The following DIPK1C variants were observed in gnomAD, a reference collection of about 807,000 sequenced individuals.
The protein encoded by DIPK1C is familial non-conventional Alzheimer's dementia.
Under a neutral mutation model 28.0 loss-of-function variants are expected in DIPK1C, and 33 were observed. That is an observed-to-expected ratio of 1.18 (90% CI 0.89 to 1.58). The LOEUF (loss-of-function observed/expected upper bound fraction) is 1.58. Ranked by LOEUF, DIPK1C falls within the 40% of genes most tolerant of loss-of-function variation. The pLI is 0.00. For synonymous variants in DIPK1C, 255 were observed against 248.8 expected, an observed-to-expected ratio of 1.02 and a Z score of -0.23; for missense variants, 569 against 568.5, an observed-to-expected ratio of 1.00 and a Z score of -0.01.
intron 3 of DIPK1C, among the ~76,000 whole-genome samples, chr18:74,441,118 G>A (rs768762489): frequency 2.4e-4 from 36 of 152,278 alleles, no homozygotes; most frequent in Non-Finnish European, 4.1e-4. Context: ...CCTTACCTGC[G>A]TTTTGGGTCT....
In DIPK1C at chr18:74,447,807, CA is replaced by C. The variant is rs1424588178; in HGVS notation, c.199-525del. ...CATTCCTTGAGCTTACTGTTTTCCA[CA>C]TGAAATGGAGTGCCCTATAAAGCTT... On this transcript the variant is annotated intron_variant, in intron 1 of 3. Transcript: ENST00000343998. This position sits in a 1 kb window ranked among gnomAD's most constrained non-coding sequence, Gnocchi z 4.1. Among the ~76,000 whole-genome samples the C allele has an allele frequency of 6.6e-6, 1 of 152,196 alleles. No homozygotes were observed. The highest frequency in any genetic ancestry group is 1.9e-4 in the East Asian group (1 of 5,180).
In DIPK1C at chr18:74,436,337, G is replaced by A. The variant is rs547868806; in HGVS notation, c.*164C>T. On this transcript the variant is annotated 3_prime_UTR_variant, in exon 4 of 4. Coordinates refer to ENST00000343998, the MANE Select transcript of DIPK1C (RefSeq NM_001044369.3). ...TCAGAGGCCAGGGTGGGACGAGAGC[G>A]AGGGAGCACTGTCTCTGGCAGCAGC... The A allele has an allele frequency of 5.4e-5, 37 of 681,636 alleles. No homozygotes were observed. The highest frequency in any genetic ancestry group is 2.5e-4 in the East Asian group (9 of 36,202). 42.2% of individuals were successfully genotyped at this position (681,636 alleles called of 1,614,324 possible). A position where few individuals can be genotyped will look rare whatever the true frequency, so the allele number is the denominator to read the frequency against.
At chr18:74,463,856 A>G in the DIPK1C span, among the ~76,000 whole-genome samples, 1 of 152,224 alleles carries the variant, frequency 6.6e-6, no homozygotes, top group Non-Finnish European at 1.5e-5. Context: ...ACACGAAATC[A>G]GCACCGACTG....
At position 74,447,334 on chromosome 18, in the gene DIPK1C, G is replaced by A. The variant is rs187928644; in HGVS notation, c.199-51C>T. 2.1e-4 allele frequency: 310 copies of A among 1,458,466 alleles called. 3 individuals carry two copies. The African/African-American group carries it at 3.8e-3, about 18-fold the overall frequency. The allele number at this position is 1,458,466 out of a possible 1,614,324, so 90.3% of individuals were successfully genotyped here. On this transcript the variant is annotated intron_variant, in intron 1 of 3. Transcript: ENST00000343998. This position sits in a 1 kb window ranked among gnomAD's most constrained non-coding sequence, Gnocchi z 4.1. ...CCATGGGGAGGGCCTGGTGCCATCC[G>A]TCTCTCGGCTCGGGTTAGGGAAGGG...
chr18:74,455,571 G>A (rs1273374785), intron 1 of DIPK1C, among the ~76,000 whole-genome samples: 4 of 151,878 alleles, frequency 2.6e-5, no homozygotes, highest in African/African-American at 9.7e-5. Flanking sequence ...TGGGCGGATC[G>A]CCTGAGGTTG....
At chr18:74,460,270 G>A (rs1192439095), upstream of DIPK1C, among the ~76,000 whole-genome samples, 1 of 152,230 alleles carries the variant, frequency 6.6e-6, no homozygotes, top group African/African-American at 2.4e-5. Context: ...AATGGAAAGA[G>A]CCTTGACCAG....
In DIPK1C at chr18:74,435,622, G is replaced by A. The variant is rs936188444; in HGVS notation, c.*879C>T. 3.3e-5 allele frequency: 5 copies of A among 152,124 alleles called. No individual in the cohort carries two copies. Among genetic ancestry groups the A allele is most frequent in the South Asian group, 2.1e-4 (1 of 4,824 alleles). 9.4% of individuals were successfully genotyped at this position (152,124 alleles called of 1,614,324 possible). ...CCCAGGGGAAGGTGTATTGCAATAC[G>A]AGGCGCCCTAAAACCCATCCATAAC... On this transcript the variant is annotated 3_prime_UTR_variant, in exon 4 of 4. Transcript: ENST00000343998.
intron 3 of DIPK1C, among the ~76,000 whole-genome samples, chr18:74,437,112 C>T (rs1407410514): frequency 2.0e-5 from 3 of 152,142 alleles, no homozygotes; most frequent in Admixed American, 6.6e-5. Flanking sequence ...TGAGGGAGGC[C>T]GGCTTTGCTG....
intron 1 of DIPK1C, among the ~76,000 whole-genome samples, chr18:74,455,619 C>A (rs1268181518): frequency 6.6e-6 from 1 of 151,236 alleles, no homozygotes; most frequent in East Asian, 2.0e-4. Flanking sequence ...GGACAAACCA[C>A]CATCTCTATT....
At chr18:74,443,400 G>T (rs543420394) in intron 2 of DIPK1C, among the ~76,000 whole-genome samples, 1 of 152,312 alleles carries the variant, frequency 6.6e-6, no homozygotes, top group African/African-American at 2.4e-5. Context: ...TCAGCATCGA[G>T]ATACCAGCCT....
chr18:74,447,626 C>T lies in DIPK1C; in HGVS notation c.199-343G>A, dbSNP rs530349948. Among the ~76,000 whole-genome samples, 3 of 152,238 alleles carry T rather than the reference C, an allele frequency of 2.0e-5. No homozygotes were observed. The highest frequency in any genetic ancestry group is 1.3e-4 in the Admixed American group (2 of 15,304). ...AAACCAACAGGTGAAGGGGCTGGAC[C>T]AGGCCAGTAGCTCTCGACTCTGCCT... is the stretch of plus-strand genomic sequence containing the variant. On this transcript the variant is annotated intron_variant, in intron 1 of 3. Coordinates refer to ENST00000343998, the MANE Select transcript of DIPK1C (RefSeq NM_001044369.3). This position sits in a 1 kb window ranked among gnomAD's most constrained non-coding sequence, Gnocchi z 4.1.
At chr18:74,442,797 G>A (rs1400956314) in intron 2 of DIPK1C, among the ~76,000 whole-genome samples, 2 of 152,292 alleles carry the variant, frequency 1.3e-5, no homozygotes, top group South Asian at 2.1e-4. Context: ...TCTGAGAGGC[G>A]TTATACATGA....
At chr18:74,461,280 C>G (rs1484797245), upstream of DIPK1C, among the ~76,000 whole-genome samples, 1 of 152,136 alleles carries the variant, frequency 6.6e-6, no homozygotes, top group East Asian at 1.9e-4. Context: ...TGAGAGGTTA[C>G]ATATTCTTGA....
upstream of DIPK1C, among the ~76,000 whole-genome samples, chr18:74,459,172 G>C (rs1247799585): frequency 6.6e-6 from 1 of 152,248 alleles, no homozygotes; most frequent in Non-Finnish European, 1.5e-5. Flanking sequence ...TATTTGGTGT[G>C]GGGAGGGGAG....
intron 1 of DIPK1C, among the ~76,000 whole-genome samples, chr18:74,449,299 A>T (rs7241823): frequency 0.58 from 87,830 of 152,014 alleles, 25,439 homozygotes; most frequent in East Asian, 0.67. Context: ...CTGCCCCATA[A>T]GCAAAATATA....
rs1985991911 is a variant in DIPK1C at position 74,436,403 on chromosome 18, G to C, written c.*98C>G. The C allele has an allele frequency of 8.1e-7, 1 of 1,234,420 alleles. No homozygotes were observed. The highest frequency in any genetic ancestry group is 2.5e-5 in the Admixed American group (1 of 40,122). The allele number at this position is 1,234,420 out of a possible 1,614,324, so 76.5% of individuals were successfully genotyped here. On this transcript the variant is annotated 3_prime_UTR_variant, in exon 4 of 4. Coordinates refer to ENST00000343998, the MANE Select transcript of DIPK1C (RefSeq NM_001044369.3). ...ATGTGGAGACCAGAACGGCACCCCA[G>C]AGAGCACAGGGGAAATGGCTCATCT...
chr18:74,437,254 A>G (rs1986018622), intron 3 of DIPK1C, among the ~76,000 whole-genome samples: 1 of 152,252 alleles, frequency 6.6e-6, no homozygotes, highest in African/African-American at 2.4e-5. Flanking sequence ...CTGCCTGTAT[A>G]GCACTTTAAG....
chr18:74,448,566 T>C (rs1388578178), intron 1 of DIPK1C, among the ~76,000 whole-genome samples: 1 of 152,174 alleles, frequency 6.6e-6, no homozygotes, highest in Non-Finnish European at 1.5e-5. Context: ...CTCAAACTCC[T>C]TCCTTGCGTC....
intron 3 of DIPK1C, among the ~76,000 whole-genome samples, chr18:74,440,831 T>A (rs561063052): frequency 6.6e-6 from 1 of 152,366 alleles, no homozygotes; most frequent in African/African-American, 2.4e-5. Flanking sequence ...GAAGAATGAT[T>A]TCATGACGAA....
Sources: allele counts gnomAD v4.1 joint callset (sites outside exome capture counted in the v4.1 genomes callset), GRCh38; gene constraint gnomAD v4.1.1; non-coding constraint Gnocchi (gnomAD v3.1); transcripts MANE v1.5; gene names NCBI Gene and HGNC (gene_info 2026-07-23, HGNC 2026-07-21).